The following MTERF3 variants were observed in gnomAD, a reference collection of about 807,000 sequenced individuals.
The protein encoded by MTERF3 is transcription termination factor 3, mitochondrial.
In MTERF3, 40 loss-of-function variants were observed where a neutral mutation model predicts 40.5. That is an observed-to-expected ratio of 0.99 (90% CI 0.77 to 1.29). The LOEUF is 1.29. Among genes scored for constraint, MTERF3 ranks in the 50% most tolerant of loss-of-function variants. The probability of loss-of-function intolerance (pLI) is 0.00; values close to 1 mark genes in which losing one functional copy is unlikely to be tolerated. For synonymous variants in MTERF3, 158 were observed against 166.6 expected, an observed-to-expected ratio of 0.95 and a Z score of 0.40; for missense variants, 452 against 478.2, an observed-to-expected ratio of 0.95 and a Z score of 0.51.
intron 6 of MTERF3, 74 bp from the exon 7 acceptor site, chr8:96,244,154 A>T (rs959509324): frequency 9.6e-6 from 10 of 1,042,078 alleles, no homozygotes; most frequent in African/African-American, 5.0e-5. Context: ...GGCTGCACTG[A>T]TTTTTTTTTT....
intron 4 of MTERF3, 114 bp from the exon 5 acceptor site, chr8:96,246,568 C>T (rs1379406957): frequency 8.2e-6 from 7 of 858,144 alleles, no homozygotes; most frequent in Non-Finnish European, 1.2e-5. Context: ...GCTCCCACAC[C>T]CTAAATTACT....
intron 7 of MTERF3, among the ~76,000 whole-genome samples, chr8:96,241,490 A>G (rs375114878): frequency 6.6e-6 from 1 of 152,158 alleles, no homozygotes; most frequent in Non-Finnish European, 1.5e-5. Context: ...TGGTGCTCCT[A>G]AACGATTACT....
At chr8:96,247,369 G>GT (rs1390293849) in intron 4 of MTERF3, among the ~76,000 whole-genome samples, 2 of 152,128 alleles carry the variant, frequency 1.3e-5, no homozygotes, top group Non-Finnish European at 2.9e-5. Flanking sequence ...ATCAAACTAT[G>GT]TAAGTTAGTA....
rs757226262 is a variant in MTERF3, at chr8:96,245,912, C to T, written c.845G>A (p.Arg282His). 54 of 1,613,750 alleles carry T rather than the reference C, an allele frequency of 3.3e-5. No homozygotes were observed. The highest frequency in any genetic ancestry group is 3.3e-4 in the Middle Eastern group (2 of 6,082). ...ACTTCCAGTTAGCAGCCTTGGGAGA[C>T]GAACTACCAGATCTCTAGTCTGTGG... ...SVKKTRDLVV[R>H]LPRLLTGSLE... is the part of the protein sequence containing the mutation. The change falls in exon 6 of 8, where the codon CGT (arginine) becomes CAT (histidine). Residue 282 changes from arginine (R) to histidine (H), a missense_variant. Physicochemically the swap from Arg to His is conservative, Grantham distance 29. Transcript: ENST00000287025.
In MTERF3 at chr8:96,246,436, T is replaced by C; in HGVS notation, c.696A>G (p.Ser232=). ...CAACATCTGCTTTACTGAAATTTTT[T>C]GAATGCAGATAAGCCACCCTAGAGA... is the stretch of plus-strand genomic sequence containing the variant. ...NLKTRVAYLH[S]KNFSKADVAQ... Residue 232 remains serine, a synonymous_variant, in exon 5 of 8, where the codon TCA becomes TCG. Transcript: ENST00000287025. 1 of 1,610,066 alleles carries C rather than the reference T, an allele frequency of 6.2e-7. No individual in the cohort carries two copies. The highest frequency in any genetic ancestry group is 8.5e-7 in the Non-Finnish European group (1 of 1,178,880).
intron 4 of MTERF3, among the ~76,000 whole-genome samples, chr8:96,247,914 A>T (rs1400157731): frequency 6.6e-6 from 1 of 152,246 alleles, no homozygotes; most frequent in Non-Finnish European, 1.5e-5. Context: ...ATTAAAAAAT[A>T]GCAAAGGATA....
chr8:96,254,166 ATATGTT>A (rs911721360), intron 3 of MTERF3, among the ~76,000 whole-genome samples: 8 of 152,188 alleles, frequency 5.3e-5, no homozygotes, highest in African/African-American at 9.6e-5. Context: ...TTTTTAAATT[ATATGTT>A]TATGGGATAC....
chr8:96,241,683 G>T (rs577163052), intron 7 of MTERF3, among the ~76,000 whole-genome samples: 4 of 152,212 alleles, frequency 2.6e-5, no homozygotes, highest in Non-Finnish European at 4.4e-5. Context: ...GTGGTGGTGT[G>T]GGGGGAGAGT....
At chr8:96,257,457 A>G (rs776560339) in intron 2 of MTERF3, among the ~76,000 whole-genome samples, 10 of 152,216 alleles carry the variant, frequency 6.6e-5, no homozygotes, top group Non-Finnish European at 1.5e-4. Flanking sequence ...AACTTGGCTA[A>G]AAGTACACAT....
At position 96,246,456 on chromosome 8, in the gene MTERF3, T is replaced by C. The variant is rs780416932; in HGVS notation, c.678-2A>G. 1.2e-6 allele frequency: 2 copies of C among 1,603,974 alleles called. No homozygotes were observed. Among genetic ancestry groups the C allele is most frequent in the Non-Finnish European group, 1.7e-6 (2 of 1,176,846 alleles). On this transcript the variant is annotated splice_acceptor_variant, in intron 4 of 7. Transcript: ENST00000287025. LOFTEE classifies it high-confidence loss of function. Reference sequence around the variant, plus strand: ...TTTTTTGAATGCAGATAAGCCACCCTAGAGAAACATAAATACATACGCATG... The same window carrying C: ...TTTTTTGAATGCAGATAAGCCACCCCAGAGAAACATAAATACATACGCATG...
intron 4 of MTERF3, 28 bp from the exon 5 acceptor site, chr8:96,246,482 T>G (rs1366048919): frequency 1.3e-6 from 2 of 1,560,958 alleles, no homozygotes; most frequent in African/African-American, 1.4e-5. Context: ...CATACGCATG[T>G]GATAAACACT....
rs775467381 is a variant in MTERF3, at chr8:96,246,420, CT to C, written c.711del (p.Ala238GlnfsTer14). On this transcript the variant is annotated frameshift_variant, in exon 5 of 8. Coordinates refer to ENST00000287025, the MANE Select transcript of MTERF3 (RefSeq NM_015942.5). LOFTEE classifies it high-confidence loss of function. ...VAYLHSKNFS[K>X]ADVAQMVRKA... ...TTTCTGACCATCTGTGCAACATCTGCTTTACTGAAATTTTTTGAATGCAGAT... is the reference window on the plus strand; with the variant it reads ...TTTCTGACCATCTGTGCAACATCTGCTTACTGAAATTTTTTGAATGCAGAT... 3 of 1,611,078 alleles carry C rather than the reference CT, an allele frequency of 1.9e-6. No individual in the cohort carries two copies. In the Admixed American group the frequency reaches 5.0e-5, roughly 27 times the overall value.
intron 7 of MTERF3, among the ~76,000 whole-genome samples, chr8:96,242,997 C>T (rs1809956240): frequency 6.6e-6 from 1 of 152,174 alleles, no homozygotes; most frequent in South Asian, 2.1e-4. Flanking sequence ...AGGCTTCTAA[C>T]ACTTCTATAA....
chr8:96,241,418 C>CA (rs1001100537), intron 7 of MTERF3, among the ~76,000 whole-genome samples: 33 of 149,474 alleles, frequency 2.2e-4, no homozygotes, highest in Non-Finnish European at 4.6e-4. Flanking sequence ...CAAAAAAAAA[C>CA]AAAAAAAACA....
At chr8:96,253,839 T>G (rs1810231233) in intron 3 of MTERF3, among the ~76,000 whole-genome samples, 1 of 139,802 alleles carries the variant, frequency 7.2e-6, no homozygotes, top group Non-Finnish European at 1.6e-5. Context: ...GACCTCCCTC[T>G]ATTTAAAAAA....
At position 96,258,713 on chromosome 8, in the gene MTERF3, G is replaced by A. The variant is rs780235569; in HGVS notation, c.-10-13C>T. The A allele has an allele frequency of 3.3e-6, 5 of 1,513,826 alleles. No individual in the cohort carries two copies. In the African/African-American group the frequency reaches 7.0e-5, roughly 21 times the overall value. 93.8% of individuals were successfully genotyped at this position (1,513,826 alleles called of 1,614,324 possible). On this transcript the variant is annotated splice_polypyrimidine_tract_variant and intron_variant, in intron 1 of 7. Coordinates refer to ENST00000287025, the MANE Select transcript of MTERF3 (RefSeq NM_015942.5). Reference sequence around the variant, plus strand: ...CATTTTTCTTAGTCTACAAAGGAAAGATATAACCGTCAAAAGAAGAGAAAT... The same window carrying A: ...CATTTTTCTTAGTCTACAAAGGAAAAATATAACCGTCAAAAGAAGAGAAAT...
At chr8:96,242,938 G>A (rs539713838) in intron 7 of MTERF3, among the ~76,000 whole-genome samples, 6 of 152,140 alleles carry the variant, frequency 3.9e-5, no homozygotes, top group South Asian at 2.1e-4. Context: ...TTTCTTTTTC[G>A]TTGAAGATTA....
intron 7 of MTERF3, among the ~76,000 whole-genome samples, chr8:96,241,255 C>CA (rs1809923305): frequency 6.6e-6 from 1 of 151,770 alleles, no homozygotes; most frequent in South Asian, 2.1e-4. Context: ...ACTAAAAACA[C>CA]AAAAATTAGC....
At chr8:96,256,308 G>A (rs374778658) in intron 3 of MTERF3, among the ~76,000 whole-genome samples, 7 of 152,230 alleles carry the variant, frequency 4.6e-5, no homozygotes, top group East Asian at 3.9e-4. Context: ...GAAGGAGGTC[G>A]GGGTAGTGTG....
Sources: allele counts gnomAD v4.1 joint callset (sites outside exome capture counted in the v4.1 genomes callset), GRCh38; gene constraint gnomAD v4.1.1; transcripts MANE v1.5; gene names NCBI Gene and HGNC (gene_info 2026-07-23, HGNC 2026-07-21).